PCDHGB1: variants seen among roughly 807,000 people sequenced by gnomAD.
PCDHGB1 encodes protocadherin gamma-B1.
In PCDHGB1, 34 loss-of-function variants were observed where a neutral mutation model predicts 56.6. The observed-to-expected ratio is 0.60, with a 90% CI of 0.46 to 0.80. PCDHGB1 has a LOEUF of 0.80. PCDHGB1 is among the 30% of genes least tolerant of loss of function. The probability of loss-of-function intolerance (pLI) is 0.00; values close to 1 mark genes in which losing one functional copy is unlikely to be tolerated. For synonymous variants in PCDHGB1, 561 were observed against 505.9 expected (o/e 1.11, Z -1.46); for missense variants, 1,278 against 1,204.6 (o/e 1.06, Z -0.90).
intron 1 of PCDHGB1, among the ~76,000 whole-genome samples, chr5:141,474,788 A>G (rs1426105047): frequency 6.6e-6 from 1 of 152,232 alleles, no homozygotes; most frequent in Non-Finnish European, 1.5e-5. Context: ...AACACTTTAC[A>G]TCTAATGGAG....
At chr5:141,424,022 A>G (rs2096795541) in intron 1 of PCDHGB1, 13 of 1,046,584 alleles carry the variant, frequency 1.2e-5, no homozygotes, top group Non-Finnish European at 1.4e-5. Context: ...ATGATTCACA[A>G]ACACTTTTTA....
At chr5:141,418,901 A>G in intron 1 of PCDHGB1, 1 of 1,614,016 alleles carries the variant, frequency 6.2e-7, no homozygotes, top group East Asian at 2.2e-5. Context: ...CCCAGAAATA[A>G]TCATCACGTC....
At chr5:141,371,572 A>C (rs913644689) in intron 1 of PCDHGB1, 1 of 1,613,960 alleles carries the variant, frequency 6.2e-7, no homozygotes, top group Middle Eastern at 1.6e-4. Context: ...TTCCCCTTTA[A>C]AATCGTTCAA....
intron 1 of PCDHGB1, among the ~76,000 whole-genome samples, chr5:141,473,033 G>A (rs1199215390): frequency 1.4e-5 from 2 of 146,282 alleles, no homozygotes. Flanking sequence ...AAGGAAGGAA[G>A]GAAAGAAAGA....
At chr5:141,419,159 T>G in intron 1 of PCDHGB1, 1 of 1,613,916 alleles carries the variant, frequency 6.2e-7, no homozygotes, top group Non-Finnish European at 8.5e-7. Flanking sequence ...TCCGTTATCC[T>G]CCAGCAAAAC....
chr5:141,409,720 A>C (rs2095305667), intron 1 of PCDHGB1: 1 of 1,613,176 alleles, frequency 6.2e-7, no homozygotes, highest in Non-Finnish European at 8.5e-7. Context: ...CATACGTGTC[A>C]GTGAGCGCGC....
chr5:141,398,171 C>T (rs773536231), intron 1 of PCDHGB1: 3 of 1,476,352 alleles, frequency 2.0e-6, no homozygotes, highest in Non-Finnish European at 2.7e-6. Flanking sequence ...GAGAGGCTGC[C>T]AGTGCTCTTT....
chr5:141,431,049 T>C lies in PCDHGB1; in HGVS notation c.2410-63758T>C, dbSNP rs1226000576. On this transcript the variant is annotated intron_variant, in intron 1 of 3. Coordinates refer to ENST00000523390, the MANE Select transcript of PCDHGB1 (RefSeq NM_018922.3). The surrounding 1 kb of genome is among the most constrained non-coding windows in gnomAD (Gnocchi z 4.8). Reference sequence around the variant, plus strand: ...AGGATAGACCGGGAGGAGCTCTGTATGGGGGCCATCAAGTGTCAATTAAAT... The same window carrying C: ...AGGATAGACCGGGAGGAGCTCTGTACGGGGGCCATCAAGTGTCAATTAAAT... The C allele has an allele frequency of 6.2e-7, 1 of 1,614,162 alleles. No homozygotes were observed. Among genetic ancestry groups the C allele is most frequent in the Non-Finnish European group, 8.5e-7 (1 of 1,180,014 alleles).
intron 1 of PCDHGB1, among the ~76,000 whole-genome samples, chr5:141,457,224 A>G (rs1176186371): frequency 6.6e-6 from 1 of 152,158 alleles, no homozygotes; most frequent in African/African-American, 2.4e-5. Flanking sequence ...GTGGTAGGTA[A>G]TTTCCATCTA....
Position 141,419,433 on chromosome 5 carries a change from T to C in PCDHGB1, c.2409+66764T>C, listed in dbSNP as rs1333004780. 11 of 1,613,246 alleles carry C rather than the reference T, an allele frequency of 6.8e-6. No individual in the cohort carries two copies. The highest frequency in any genetic ancestry group is 9.3e-6 in the Non-Finnish European group (11 of 1,179,828). On this transcript the variant is annotated intron_variant, in intron 1 of 3. Coordinates refer to ENST00000523390, the MANE Select transcript of PCDHGB1 (RefSeq NM_018922.3). ...CAGCGCGCCTTCGACCACGAGCAGC[T>C]GCGCACCTTCGAGCTCACGCTGCAG... is the stretch of plus-strand genomic sequence containing the variant.
intron 1 of PCDHGB1, chr5:141,364,487 G>T: frequency 6.2e-7 from 1 of 1,614,032 alleles, no homozygotes; most frequent in Non-Finnish European, 8.5e-7. Flanking sequence ...CAAGGACCTT[G>T]GGCTGGAGCC....
intron 1 of PCDHGB1, chr5:141,427,435 T>C (rs536693959): frequency 2.1e-6 from 1 of 474,160 alleles, no homozygotes; most frequent in African/African-American, 2.0e-5. Flanking sequence ...ACATGCCTCA[T>C]AAACGAAAGA....
rs934366037 is a variant in PCDHGB1, at chr5:141,408,906, C to T, written c.2409+56237C>T. On this transcript the variant is annotated intron_variant, in intron 1 of 3. Transcript: ENST00000523390. Reference sequence around the variant, plus strand: ...CACATAGAAATTTCTGTCAAGGATACCAATGATAACCCCCCGGTTTTCAGC... The same window carrying T: ...CACATAGAAATTTCTGTCAAGGATATCAATGATAACCCCCCGGTTTTCAGC... 2.5e-6 allele frequency: 4 copies of T among 1,613,136 alleles called. No homozygotes were observed. The African/African-American group carries it at 4.0e-5, about 16-fold the overall frequency.
At chr5:141,356,510 A>G (rs2149791412) in intron 1 of PCDHGB1, 2 of 1,612,802 alleles carry the variant, frequency 1.2e-6, no homozygotes, top group East Asian at 2.2e-5. Context: ...ACAGAAACTC[A>G]TATTTCACTG....
chr5:141,362,328 C>T (rs1351863626), intron 1 of PCDHGB1: 5 of 1,614,068 alleles, frequency 3.1e-6, no homozygotes, highest in Non-Finnish European at 4.2e-6. Context: ...AGCCTGGTCT[C>T]AGCTCCAAGC....
At chr5:141,383,066 C>T (rs1305703893) in intron 1 of PCDHGB1, 1 of 1,613,826 alleles carries the variant, frequency 6.2e-7, no homozygotes, top group Admixed American at 1.7e-5. Flanking sequence ...GGGCTGGAGC[C>T]CCGGGAGCTG....
rs751278055 is a variant in PCDHGB1, at chr5:141,375,013, G to A, written c.2409+22344G>A. ...CAACTTCTGCAAATCTAGACTATGAGGACTCGAGTTTTTATGAGCTGGGTG... is the reference window on the plus strand; with the variant it reads ...CAACTTCTGCAAATCTAGACTATGAAGACTCGAGTTTTTATGAGCTGGGTG... On this transcript the variant is annotated intron_variant, in intron 1 of 3. Transcript: ENST00000523390. 6.8e-6 allele frequency: 11 copies of A among 1,613,886 alleles called. No homozygotes were observed. In the African/African-American group the frequency reaches 1.3e-4, roughly 20 times the overall value.
intron 1 of PCDHGB1, chr5:141,355,245 G>A: frequency 6.2e-7 from 1 of 1,613,186 alleles, no homozygotes; most frequent in Non-Finnish European, 8.5e-7. Context: ...GGCTGCTCCA[G>A]ATCTGCCTTC....
chr5:141,382,904 C>T (rs1286843210), intron 1 of PCDHGB1: 3 of 1,543,132 alleles, frequency 1.9e-6, no homozygotes, highest in Non-Finnish European at 1.7e-6. Flanking sequence ...ACGACTATGG[C>T]GGCTCAGCCG....
Sources: gnomAD v4.1 joint callset for allele counts (sites outside exome capture counted in the v4.1 genomes callset) on GRCh38, gnomAD v4.1.1 for gene constraint, Gnocchi (gnomAD v3.1) non-coding constraint, MANE v1.5 for transcripts, NCBI Gene and HGNC (gene_info 2026-07-23, HGNC 2026-07-21) for gene names.